XPR1: variants seen among roughly 807,000 people sequenced by gnomAD.
The protein encoded by XPR1 is xenotropic and polytropic retrovirus receptor 1, also known as solute carrier family 53 member 1.
XPR1 carries 28 observed loss-of-function variants against 87.5 expected under a neutral mutation model. The observed-to-expected ratio is 0.32, with a 90% CI of 0.24 to 0.44. The LOEUF (loss-of-function observed/expected upper bound fraction) is 0.44, where lower values mean the gene tolerates loss of function less well. XPR1 is among the 20% of genes least tolerant of loss of function. The pLI is 1.00. For missense variants in XPR1, 559 were observed against 862.3 expected (o/e 0.65, Z 4.41); for synonymous variants, 300 against 306.1 (o/e 0.98, Z 0.21).
chr1:180,760,168 G>T (rs1275492538), intron 2 of XPR1, among the ~76,000 whole-genome samples: 1 of 152,150 alleles, frequency 6.6e-6, no homozygotes, highest in Non-Finnish European at 1.5e-5. Context: ...TACTGAATGG[G>T]CAAAAACTGG....
At chr1:180,805,995 C>G (rs1364529266) in intron 4 of XPR1, 67 bp from the exon 5 acceptor site, 2 of 1,546,918 alleles carry the variant, frequency 1.3e-6, no homozygotes, top group Non-Finnish European at 1.8e-6. Flanking sequence ...GTGCTTAGTG[C>G]TTATTCTTTT....
intron 2 of XPR1, among the ~76,000 whole-genome samples, chr1:180,715,474 G>C (rs990060913): frequency 2.6e-5 from 4 of 152,148 alleles, no homozygotes; most frequent in African/African-American, 9.7e-5. Flanking sequence ...GGTTTATCCA[G>C]TGTTACACAA....
intron 1 of XPR1, among the ~76,000 whole-genome samples, chr1:180,670,030 C>G (rs1051170359): frequency 2.6e-5 from 4 of 152,112 alleles, no homozygotes; most frequent in Non-Finnish European, 5.9e-5. Flanking sequence ...ATGATATTCT[C>G]CTTTGTGTCT....
intron 2 of XPR1, among the ~76,000 whole-genome samples, chr1:180,775,193 G>A (rs1448270046): frequency 6.6e-6 from 1 of 152,150 alleles, no homozygotes; most frequent in Non-Finnish European, 1.5e-5. Context: ...ATGGTTACCT[G>A]CCTATCATTC....
At chr1:180,707,714 C>A (rs1349091955) in intron 2 of XPR1, among the ~76,000 whole-genome samples, 1 of 152,134 alleles carries the variant, frequency 6.6e-6, no homozygotes, top group Admixed American at 6.5e-5. Flanking sequence ...ATTGGAAACA[C>A]CTTGGTAGAA....
chr1:180,750,606 G>T (rs983764945), intron 2 of XPR1, among the ~76,000 whole-genome samples: 4 of 152,000 alleles, frequency 2.6e-5, no homozygotes, highest in Non-Finnish European at 5.9e-5. Context: ...ATTCCATAGG[G>T]TTTATCTTTA....
At position 180,889,937 on chromosome 1, in the gene XPR1, T is replaced by A. The variant is rs758523912; in HGVS notation, c.*5871T>A. On this transcript the variant is annotated 3_prime_UTR_variant, in exon 15 of 15. Transcript: ENST00000367590. Reference sequence around the variant, plus strand: ...CTTCCCTCTTTTTTCTCCCTCACTCTCTTTCTCAGTCTCCACTCTGGTAAA... The same window carrying A: ...CTTCCCTCTTTTTTCTCCCTCACTCACTTTCTCAGTCTCCACTCTGGTAAA... 1.3e-5 allele frequency: 2 copies of A among 152,204 alleles called. No homozygotes were observed. The highest frequency in any genetic ancestry group is 2.4e-5 in the African/African-American group (1 of 41,444). 9.4% of individuals were successfully genotyped at this position (152,204 alleles called of 1,614,324 possible).
intron 2 of XPR1, among the ~76,000 whole-genome samples, chr1:180,695,360 ATTGT>A (rs1391126579): frequency 6.7e-6 from 1 of 148,194 alleles, no homozygotes; most frequent in Non-Finnish European, 1.5e-5. Flanking sequence ...CACTCTGTTG[ATTGT>A]TTCCTTTGCT....
intron 11 of XPR1, among the ~76,000 whole-genome samples, chr1:180,859,344 T>C (rs1652142477): frequency 1.3e-5 from 2 of 152,198 alleles, no homozygotes; most frequent in Non-Finnish European, 2.9e-5. Context: ...GCCATAAATA[T>C]GTCCAATATG....
At chr1:180,781,668 A>C (rs115653369) in intron 2 of XPR1, among the ~76,000 whole-genome samples, 3 of 149,222 alleles carry the variant, frequency 2.0e-5, no homozygotes, top group African/African-American at 7.4e-5. Flanking sequence ...GCTTTTTTTT[A>C]AAATTTTATT....
chr1:180,772,934 C>T (rs1326199342), intron 2 of XPR1, among the ~76,000 whole-genome samples: 1 of 152,152 alleles, frequency 6.6e-6, no homozygotes, highest in Admixed American at 6.5e-5. Context: ...TATTAACAAC[C>T]ATGAGTTCAC....
At chr1:180,632,416 C>T in intron 1 of XPR1, 146 bp downstream of exon 1, 2 of 1,080,198 alleles carry the variant, frequency 1.9e-6, no homozygotes, top group South Asian at 1.4e-5. Context: ...GCGGCATCCC[C>T]GCCGCGGCCG....
At chr1:180,681,175 T>C (rs1423029240) in intron 1 of XPR1, among the ~76,000 whole-genome samples, 1 of 152,152 alleles carries the variant, frequency 6.6e-6, no homozygotes, top group Non-Finnish European at 1.5e-5. Flanking sequence ...TAGTTAACAA[T>C]AGTATATAGT....
intron 1 of XPR1, among the ~76,000 whole-genome samples, chr1:180,636,000 A>C (rs915144343): frequency 6.6e-6 from 1 of 152,212 alleles, no homozygotes. Context: ...TGATCTGTGA[A>C]TAAGATGTTA....
At chr1:180,861,979 A>G (rs981575595) in intron 11 of XPR1, among the ~76,000 whole-genome samples, 1 of 152,114 alleles carries the variant, frequency 6.6e-6, no homozygotes, top group Admixed American at 6.6e-5. Context: ...AAAAGCAAAA[A>G]TTAATAAAAT....
intron 3 of XPR1, among the ~76,000 whole-genome samples, chr1:180,795,003 G>A (rs886922742): frequency 6.6e-6 from 1 of 152,140 alleles, no homozygotes; most frequent in African/African-American, 2.4e-5. Context: ...TGCATGTAAT[G>A]TAACAAAGTT....
In XPR1 at chr1:180,889,175, C is replaced by G. The variant is rs1183074019; in HGVS notation, c.*5109C>G. On this transcript the variant is annotated 3_prime_UTR_variant, in exon 15 of 15. Coordinates refer to ENST00000367590, the MANE Select transcript of XPR1 (RefSeq NM_004736.4). ...ACAACTTTGCAACTGAAGTATGTTT[C>G]CTTGTAGCAAACCTTTGGTTTATTT... is the stretch of plus-strand genomic sequence containing the variant. The G allele has an allele frequency of 6.6e-6, 1 of 152,178 alleles. No homozygotes were observed. The highest frequency in any genetic ancestry group is 6.5e-5 in the Admixed American group (1 of 15,288). The allele number at this position is 152,178 out of a possible 1,614,324, so 9.4% of individuals were successfully genotyped here.
At chr1:180,645,568 C>G (rs1655095295) in intron 1 of XPR1, among the ~76,000 whole-genome samples, 1 of 152,164 alleles carries the variant, frequency 6.6e-6, no homozygotes, top group Admixed American at 6.5e-5. Context: ...CTAGTGGTGA[C>G]TGCTTTTCTG....
chr1:180,849,210 A>G lies in XPR1; in HGVS notation c.1501+12494A>G, dbSNP rs145064793. Among the ~76,000 whole-genome samples, 621 of 152,318 alleles carry G rather than the reference A, an allele frequency of 4.1e-3. 1 individual carries two copies. Among genetic ancestry groups the G allele is most frequent in the Admixed American group, 6.9e-3 (105 of 15,298 alleles). ...TTGCAAATATGTCATGTGTTGGCAGACATTATGTCATTTTGAACCTGATAC... is the reference window on the plus strand; with the variant it reads ...TTGCAAATATGTCATGTGTTGGCAGGCATTATGTCATTTTGAACCTGATAC... On this transcript the variant is annotated intron_variant, in intron 11 of 14. Transcript: ENST00000367590.
Sources: allele counts gnomAD v4.1 joint callset (sites outside exome capture counted in the v4.1 genomes callset), GRCh38; gene constraint gnomAD v4.1.1; transcripts MANE v1.5; gene names NCBI Gene and HGNC (gene_info 2026-07-23, HGNC 2026-07-21).